Variants in LAMA3 observed in about 807,000 individuals in gnomAD.
The protein encoded by LAMA3 is laminin subunit alpha-3.
A neutral mutation model predicts 402.0 loss-of-function variants in LAMA3; 281 were observed. That is an observed-to-expected ratio of 0.70 (90% CI 0.63 to 0.77). The LOEUF (loss-of-function observed/expected upper bound fraction) is 0.77, where lower values mean the gene tolerates loss of function less well. LAMA3 is among the 30% of genes least tolerant of loss of function. The pLI, the probability that LAMA3 is intolerant of heterozygous loss-of-function variation, is 0.00. For synonymous variants in LAMA3, 1,431 were observed against 1,558.4 expected (o/e 0.92, Z 1.93); for missense variants, 3,840 against 4,215.5 (o/e 0.91, Z 2.47).
At chr18:23,812,136 G>C (rs575002674) in intron 13 of LAMA3, among the ~76,000 whole-genome samples, 3 of 152,112 alleles carry the variant, frequency 2.0e-5, no homozygotes, top group Admixed American at 6.5e-5. Flanking sequence ...GCCTCCCAAA[G>C]TGCTGGGATT....
Position 23,861,784 on chromosome 18 carries a change from C to T in LAMA3, c.4561C>T (p.Pro1521Ser). 1 of 1,613,294 alleles carries T rather than the reference C, an allele frequency of 6.2e-7. No individual in the cohort carries two copies. Among genetic ancestry groups the T allele is most frequent in the Non-Finnish European group, 8.5e-7 (1 of 1,179,550 alleles). Residue 1521 changes from proline to serine, a missense_variant, in exon 35 of 75, where the codon CCC (proline) becomes TCC (serine). Physicochemically the swap from Pro to Ser is moderately conservative, Grantham distance 74 (BLOSUM62 -1). This residue lies in a region of LAMA3 where 2,109 missense variants were observed against 2,376.0 expected (regional missense o/e 0.89). Coordinates refer to ENST00000313654, the MANE Select transcript of LAMA3 (RefSeq NM_198129.4). ...ATIHSASWVA[P>S]TSYLGDKVSS... ...CATCCACAGCGCGTCCTGGGTCGCA[C>T]CCACCTCCTACCTGGGGGACAAGGT...
intron 2 of LAMA3, among the ~76,000 whole-genome samples, chr18:23,732,827 G>C (rs1002885630): frequency 6.6e-6 from 1 of 152,074 alleles, no homozygotes; most frequent in Non-Finnish European, 1.5e-5. Flanking sequence ...GACATACTAG[G>C]GGTGTTGTAA....
chr18:23,824,590 G>A, intron 21 of LAMA3, 25 bp downstream of exon 21: 1 of 1,612,778 alleles, frequency 6.2e-7, no homozygotes, highest in Non-Finnish European at 8.5e-7. Context: ...TGAATGGAGA[G>A]CTCCTGCGGG....
chr18:23,858,168 T>A (rs1165794704), intron 33 of LAMA3, among the ~76,000 whole-genome samples, 180 bp downstream of exon 33: 1 of 152,212 alleles, frequency 6.6e-6, no homozygotes, highest in Admixed American at 6.5e-5. Flanking sequence ...GTGAGACCCC[T>A]TTTATCTTTT....
At chr18:23,754,781 C>T (rs2061814295) in intron 6 of LAMA3, among the ~76,000 whole-genome samples, 1 of 152,168 alleles carries the variant, frequency 6.6e-6, no homozygotes, top group African/African-American at 2.4e-5. Context: ...TTACCGGATG[C>T]CAGATATAGT....
At chr18:23,893,913 C>T (rs17259493) in intron 42 of LAMA3, among the ~76,000 whole-genome samples, 13,604 of 152,142 alleles carry the variant, frequency 0.089, 1,171 homozygotes, top group African/African-American at 0.2. Context: ...AGCCCTAATG[C>T]GAATGATCGA....
intron 52 of LAMA3, among the ~76,000 whole-genome samples, chr18:23,906,885 A>G (rs557448926): frequency 6.6e-6 from 1 of 152,358 alleles, no homozygotes; most frequent in Middle Eastern, 3.4e-3. Flanking sequence ...GCCATGAATC[A>G]TCAAGATGGT....
rs1009570574 is a variant in LAMA3 at position 23,868,610 on chromosome 18, T to TCAAA, written c.4767+710_4767+713dup. Among the ~76,000 whole-genome samples, 10 of 152,274 alleles carry TCAAA rather than the reference T, an allele frequency of 6.6e-5. No individual in the cohort carries two copies. The South Asian group carries it at 1.0e-3, about 16-fold the overall frequency. On this transcript the variant is annotated intron_variant, in intron 37 of 74. Coordinates refer to ENST00000313654, the MANE Select transcript of LAMA3 (RefSeq NM_198129.4). Reference sequence around the variant, plus strand: ...CTGGGCAACAGAGTGAGACCCTGTCTCAAACAAACAAACAAACAAAAAACC... The same window carrying TCAAA: ...CTGGGCAACAGAGTGAGACCCTGTCTCAAACAAACAAACAAACAAACAAAAAACC...
intron 25 of LAMA3, among the ~76,000 whole-genome samples, chr18:23,838,128 AC>A (rs144851936): frequency 3.2e-4 from 48 of 152,228 alleles, no homozygotes; most frequent in African/African-American, 1.2e-3. Flanking sequence ...TCCATCTTGG[AC>A]TTGTAAGACC....
In LAMA3 at chr18:23,909,265, A is replaced by T; in HGVS notation, c.7128A>T (p.Leu2376=). 6.2e-7 allele frequency: 1 copy of T among 1,613,250 alleles called. No individual in the cohort carries two copies. The highest frequency in any genetic ancestry group is 2.2e-5 in the East Asian group (1 of 44,882). ...ACAACATGGACAGAATACGAGAACT[A>T]ATTCAGCAGGCCAGAGATGCTGCCA... ...ISDNMDRIRE[L]IQQARDAASK... is the part of the protein sequence containing the mutation. Residue 2376 remains leucine (L), a synonymous_variant, in exon 55 of 75, where the codon CTA becomes CTT. Coordinates refer to ENST00000313654, the MANE Select transcript of LAMA3 (RefSeq NM_198129.4).
chr18:23,759,330 C>CAA (rs34457452), intron 7 of LAMA3, among the ~76,000 whole-genome samples: 8 of 112,614 alleles, frequency 7.1e-5, no homozygotes, highest in African/African-American at 1.7e-4. Flanking sequence ...AAGATCCTGT[C>CAA]AAAAAAAAAA....
chr18:23,724,794 G>A (rs1243964304), intron 2 of LAMA3, among the ~76,000 whole-genome samples: 2 of 152,134 alleles, frequency 1.3e-5, no homozygotes, highest in Non-Finnish European at 2.9e-5. Flanking sequence ...ACAGTTCACG[G>A]AAGCTTGAGT....
chr18:23,872,298 C>T (rs1475272027), intron 38 of LAMA3, among the ~76,000 whole-genome samples: 1 of 152,134 alleles, frequency 6.6e-6, no homozygotes, highest in African/African-American at 2.4e-5. Context: ...TGCAGCAGGA[C>T]TCTCGTTGTT....
chr18:23,884,838 G>T lies in LAMA3; in HGVS notation c.5288G>T (p.Gly1763Val). The T allele has an allele frequency of 6.2e-7, 1 of 1,612,208 alleles. No individual in the cohort carries two copies. Among genetic ancestry groups the T allele is most frequent in the Non-Finnish European group, 8.5e-7 (1 of 1,179,120 alleles). Residue 1763 changes from glycine (G) to valine (V), a missense_variant, in exon 41 of 75, where the codon GGA (glycine) becomes GTA (valine). Physicochemically the swap from Gly to Val is moderately radical, Grantham distance 109. Around this residue, in one of 3 missense-constraint regions of LAMA3, gnomAD observed 2,109 missense variants for 2,376.0 expected, o/e 0.89. Transcript: ENST00000313654. ...VRCSCKAGYT[G>V]TQCERCAPGY... Reference sequence around the variant, plus strand: ...TGCTCCTGCAAAGCTGGGTACACAGGAACACAGTGTGAAAGGTAAGGTGGG... The same window carrying T: ...TGCTCCTGCAAAGCTGGGTACACAGTAACACAGTGTGAAAGGTAAGGTGGG...
intron 11 of LAMA3, among the ~76,000 whole-genome samples, chr18:23,778,849 G>GTTCA (rs1239708594): frequency 2.0e-5 from 3 of 152,244 alleles, no homozygotes; most frequent in Non-Finnish European, 4.4e-5. Context: ...TGGCAGTGAA[G>GTTCA]TTCAGGCTCT....
rs1343605769 is a variant in LAMA3 at position 23,838,786 on chromosome 18, A to G, written c.3099A>G (p.Gln1033=). 15 of 1,599,404 alleles carry G rather than the reference A, an allele frequency of 9.4e-6. No homozygotes were observed. The highest frequency in any genetic ancestry group is 2.7e-5 in the African/African-American group (2 of 74,580). Residue 1033 remains glutamine (Q), a synonymous_variant, in exon 26 of 75, where the codon CAA becomes CAG. Transcript: ENST00000313654. ...KGHMARFLLH[Q]VCIIPIEEFS... ...GCATTGTATTTGCTCACTAGCATCA[A>G]GTTTGTATCATACCTATTGAAGAAT... is the stretch of plus-strand genomic sequence containing the variant.
At chr18:23,700,578 G>A (rs1279830371) in intron 1 of LAMA3, among the ~76,000 whole-genome samples, 1 of 152,162 alleles carries the variant, frequency 6.6e-6, no homozygotes, top group Non-Finnish European at 1.5e-5. Flanking sequence ...TAACTTTTAT[G>A]AGACTTGGTT....
At chr18:23,872,795 G>T in intron 38 of LAMA3, 2 of 524,754 alleles carry the variant, frequency 3.8e-6, no homozygotes, top group South Asian at 2.0e-5. Context: ...TAGGGCGTCT[G>T]CAGGGTGAGG....
chr18:23,878,562 C>T (rs546605632), intron 39 of LAMA3, among the ~76,000 whole-genome samples: 1 of 152,360 alleles, frequency 6.6e-6, no homozygotes, highest in South Asian at 2.1e-4. Context: ...GTGGCAAGTC[C>T]TGAGTGCTGA....
Sources: allele counts gnomAD v4.1 joint callset (sites outside exome capture counted in the v4.1 genomes callset), GRCh38; gene constraint gnomAD v4.1.1; regional missense constraint gnomAD v4.1.1; transcripts MANE v1.5; gene names NCBI Gene and HGNC (gene_info 2026-07-23, HGNC 2026-07-21).